The following MIS18A variants were observed in gnomAD, a reference collection of about 807,000 sequenced individuals.
MIS18A encodes the protein protein Mis18-alpha.
MIS18A carries 14 observed loss-of-function variants against 25.0 expected under a neutral mutation model. The observed-to-expected ratio is 0.56, with a 90% CI of 0.37 to 0.88. The LOEUF is 0.88. Ranked by LOEUF, MIS18A falls within the 40% of genes least tolerant of loss-of-function variation. The pLI, the probability that MIS18A is intolerant of heterozygous loss-of-function variation, is 0.00. For missense variants in MIS18A, 292 were observed against 290.8 expected (o/e 1.00, Z -0.03); for synonymous variants, 134 against 118.6 (o/e 1.13, Z -0.84).
At chr21:32,264,229 A>G (rs1275145823), downstream of MIS18A, among the ~76,000 whole-genome samples, 1 of 152,184 alleles carries the variant, frequency 6.6e-6, no homozygotes, top group Non-Finnish European at 1.5e-5. Flanking sequence ...AATGACTAGA[A>G]GGATATACCT....
the MIS18A span, among the ~76,000 whole-genome samples, chr21:32,223,380 A>C: frequency 6.6e-6 from 1 of 152,214 alleles, no homozygotes; most frequent in Non-Finnish European, 1.5e-5. Flanking sequence ...ATGGAACGCC[A>C]GCCAGAGCAA....
At chr21:32,262,194 A>G in the MIS18A span, among the ~76,000 whole-genome samples, 6 of 152,204 alleles carry the variant, frequency 3.9e-5, no homozygotes, top group Non-Finnish European at 5.9e-5. Flanking sequence ...ATGAGGTAGT[A>G]ACATACATGG....
chr21:32,169,499 T>C, the MIS18A span, among the ~76,000 whole-genome samples: 1 of 152,244 alleles, frequency 6.6e-6, no homozygotes, highest in African/African-American at 2.4e-5. Context: ...GAGATGTCCA[T>C]AGGGAACTTT....
chr21:32,241,161 T>G, the MIS18A span, among the ~76,000 whole-genome samples: 2 of 152,188 alleles, frequency 1.3e-5, no homozygotes, highest in African/African-American at 4.8e-5. Context: ...GGCACTTACT[T>G]TTTCATAACT....
At chr21:32,226,195 G>A in the MIS18A span, among the ~76,000 whole-genome samples, 1 of 144,034 alleles carries the variant, frequency 6.9e-6, no homozygotes, top group African/African-American at 2.7e-5. Context: ...ACGAGTTAGT[G>A]GGTGCAGCAC....
intron 4 of MIS18A, 86 bp downstream of exon 4, chr21:32,269,621 G>A (rs113129699): frequency 4.0e-5 from 31 of 771,064 alleles, no homozygotes; most frequent in African/African-American, 3.0e-4. Context: ...CACAGATGAC[G>A]TTATGAGAAT....
the MIS18A span, among the ~76,000 whole-genome samples, chr21:32,162,038 A>G: frequency 2.0e-5 from 3 of 151,944 alleles, no homozygotes; most frequent in Non-Finnish European, 4.4e-5. Flanking sequence ...TTCTCTCAAC[A>G]CCATTTCAAG....
In MIS18A at chr21:32,269,805, T is replaced by C. The variant is rs2031679614; in HGVS notation, c.525-2A>G. On this transcript the variant is annotated splice_acceptor_variant, in intron 3 of 4. Transcript: ENST00000290130. LOFTEE classifies it high-confidence loss of function. ...TTTTCAGAGGACCCTAAAACATAACTGAAGTACGGTACAAGGTTAAAATAC... is the reference window on the plus strand; with the variant it reads ...TTTTCAGAGGACCCTAAAACATAACCGAAGTACGGTACAAGGTTAAAATAC... 1 of 1,551,824 alleles carries C rather than the reference T, an allele frequency of 6.4e-7. No homozygotes were observed. The highest frequency in any genetic ancestry group is 8.9e-7 in the Non-Finnish European group (1 of 1,123,540).
At chr21:32,255,095 C>T in the MIS18A span, among the ~76,000 whole-genome samples, 1 of 152,144 alleles carries the variant, frequency 6.6e-6, no homozygotes, top group Non-Finnish European at 1.5e-5. Flanking sequence ...CATAGGAAAT[C>T]ATGTGGAAGG....
intron 2 of MIS18A, among the ~76,000 whole-genome samples, chr21:32,273,426 T>C (rs748784179): frequency 2.4e-4 from 37 of 152,016 alleles, no homozygotes; most frequent in Non-Finnish European, 3.4e-4. Context: ...TGAAGCTACA[T>C]AGAAGCCCCC....
the MIS18A span, among the ~76,000 whole-genome samples, chr21:32,255,930 A>G: frequency 6.6e-6 from 1 of 151,846 alleles, no homozygotes; most frequent in Non-Finnish European, 1.5e-5. Context: ...CGCCTGGGGT[A>G]AGTACATTTA....
the MIS18A span, among the ~76,000 whole-genome samples, chr21:32,231,293 T>C: frequency 2.0e-5 from 3 of 146,588 alleles, no homozygotes; most frequent in Non-Finnish European, 4.5e-5. Context: ...GCAAATCACA[T>C]ATCTGATAAA....
At chr21:32,261,638 C>T in the MIS18A span, 1 of 152,242 alleles carries the variant, frequency 6.6e-6, no homozygotes, top group African/African-American at 2.4e-5. Context: ...TCCCTGCCCT[C>T]GTGGAGCTAA....
the MIS18A span, among the ~76,000 whole-genome samples, chr21:32,209,938 T>C: frequency 0.38 from 58,540 of 152,094 alleles, 11,595 homozygotes; most frequent in East Asian, 0.46. Context: ...GTCTTGGGTA[T>C]GTCTTTATAG....
At chr21:32,206,444 C>T in the MIS18A span, among the ~76,000 whole-genome samples, 2 of 152,070 alleles carry the variant, frequency 1.3e-5, no homozygotes, top group Non-Finnish European at 2.9e-5. Context: ...GCAAGTCCTG[C>T]TTGGCGGCCT....
chr21:32,222,507 T>C, the MIS18A span, among the ~76,000 whole-genome samples: 2 of 152,172 alleles, frequency 1.3e-5, no homozygotes, highest in African/African-American at 2.4e-5. Context: ...CAGCACGACA[T>C]AGCACTTACT....
the MIS18A span, among the ~76,000 whole-genome samples, chr21:32,229,714 T>G: frequency 6.6e-6 from 1 of 152,218 alleles, no homozygotes; most frequent in Admixed American, 6.5e-5. Context: ...ATTGGTCAAT[T>G]CTTTGCTTTT....
At chr21:32,233,895 C>T in the MIS18A span, among the ~76,000 whole-genome samples, 1 of 152,072 alleles carries the variant, frequency 6.6e-6, no homozygotes, top group African/African-American at 2.4e-5. Context: ...CTACAAACAC[C>T]TCACCAATAC....
At chr21:32,219,521 C>T in the MIS18A span, among the ~76,000 whole-genome samples, 6 of 152,200 alleles carry the variant, frequency 3.9e-5, no homozygotes, top group African/African-American at 1.2e-4. Flanking sequence ...CCACCAGGGC[C>T]CTGGGTTTCA....
Sources: gnomAD v4.1 joint callset for allele counts (sites outside exome capture counted in the v4.1 genomes callset) on GRCh38, gnomAD v4.1.1 for gene constraint, MANE v1.5 for transcripts, NCBI Gene and HGNC (gene_info 2026-07-23, HGNC 2026-07-21) for gene names.